The following DLG2 variants were observed in gnomAD, a reference collection of about 807,000 sequenced individuals.
The protein encoded by DLG2 is discs large MAGUK scaffold protein 2.
DLG2 carries 45 observed loss-of-function variants against 132.5 expected under a neutral mutation model. The observed-to-expected ratio is 0.34, with a 90% confidence interval of 0.27 to 0.44. The LOEUF is 0.44. Ranked by LOEUF, DLG2 falls within the 20% of genes least tolerant of loss-of-function variation. The probability of loss-of-function intolerance (pLI) is 1.00; values close to 1 mark genes in which losing one functional copy is unlikely to be tolerated. For missense variants in DLG2, 1,045 were observed against 1,196.9 expected, an observed-to-expected ratio of 0.87 and a Z score of 1.87; for synonymous variants, 424 against 419.6, an observed-to-expected ratio of 1.01 and a Z score of -0.13.
chr11:85,157,996 G>A (rs377363677), intron 4 of DLG2, among the ~76,000 whole-genome samples: 56 of 152,156 alleles, frequency 3.7e-4, no homozygotes, highest in African/African-American at 1.3e-3. Context: ...TGAGGCAGTT[G>A]CCAGGCAAGA....
At chr11:84,608,426 GCTGA>G (rs2099589596) in intron 6 of DLG2, among the ~76,000 whole-genome samples, 1 of 152,250 alleles carries the variant, frequency 6.6e-6, no homozygotes, top group East Asian at 1.9e-4. Context: ...ACACTTATCT[GCTGA>G]AGCAGTGACT....
chr11:84,174,031 T>TTTTTTTTTTC, intron 8 of DLG2, among the ~76,000 whole-genome samples: 1 of 144,786 alleles, frequency 6.9e-6, no homozygotes, highest in Admixed American at 7.0e-5. Flanking sequence ...TTTTTTTTTT[T>TTTTTTTTTTC]TTTTTCTGAG....
At chr11:85,420,141 T>C (rs2090177116) in intron 3 of DLG2, among the ~76,000 whole-genome samples, 1 of 152,220 alleles carries the variant, frequency 6.6e-6, no homozygotes, top group South Asian at 2.1e-4. Context: ...TTGTGGATGT[T>C]GATGCTATTC....
intron 6 of DLG2, among the ~76,000 whole-genome samples, chr11:84,575,148 C>T (rs1425938839): frequency 6.6e-6 from 1 of 152,150 alleles, no homozygotes; most frequent in Non-Finnish European, 1.5e-5. Flanking sequence ...GATCTTATCA[C>T]CGGCTTTGTA....
intron 11 of DLG2, among the ~76,000 whole-genome samples, chr11:84,011,098 G>A (rs1246044782): frequency 6.6e-6 from 1 of 151,984 alleles, no homozygotes; most frequent in African/African-American, 2.4e-5. Context: ...AAATAAAACA[G>A]GTTGAGTGAA....
chr11:85,504,725 G>A (rs954358342), intron 3 of DLG2, among the ~76,000 whole-genome samples: 1 of 152,018 alleles, frequency 6.6e-6, no homozygotes, highest in South Asian at 2.1e-4. Context: ...TGAACTTTAA[G>A]GTAGTTTTTT....
intron 9 of DLG2, among the ~76,000 whole-genome samples, chr11:84,109,742 T>G (rs1438280625): frequency 6.6e-6 from 1 of 152,198 alleles, no homozygotes; most frequent in Non-Finnish European, 1.5e-5. Flanking sequence ...TCAAATCTTC[T>G]ACTCCTAATG....
chr11:84,194,465 T>G (rs1023156458), intron 8 of DLG2, among the ~76,000 whole-genome samples: 12 of 152,188 alleles, frequency 7.9e-5, no homozygotes, highest in African/African-American at 2.7e-4. Flanking sequence ...GCAGGAAGAC[T>G]TATTGCAAAC....
At chr11:84,296,962 G>T (rs1213343461) in intron 7 of DLG2, among the ~76,000 whole-genome samples, 1 of 151,970 alleles carries the variant, frequency 6.6e-6, no homozygotes, top group Non-Finnish European at 1.5e-5. Flanking sequence ...ACCTAAAGAG[G>T]GGGGAAAGGG....
chr11:84,491,205 A>T (rs1432514006), intron 7 of DLG2, among the ~76,000 whole-genome samples: 1 of 152,074 alleles, frequency 6.6e-6, no homozygotes, highest in African/African-American at 2.4e-5. Context: ...TTGAATTCCC[A>T]CGTATTGTGG....
intron 6 of DLG2, among the ~76,000 whole-genome samples, chr11:84,790,983 G>A (rs1461160455): frequency 7.2e-5 from 11 of 152,148 alleles, no homozygotes; most frequent in Admixed American, 7.2e-4. Context: ...AGAACTGCCT[G>A]AGACTGGGTA....
Position 83,644,004 on chromosome 11 carries a change from A to G in DLG2, c.1826-10679T>C, listed in dbSNP as rs539743167. Reference sequence around the variant, plus strand: ...CTGATATGACTATAGATACATCTCTATAAGTGAATTCTATAGGTGATTTGG... The same window carrying G: ...CTGATATGACTATAGATACATCTCTGTAAGTGAATTCTATAGGTGATTTGG... On this transcript the variant is annotated intron_variant, in intron 18 of 27. Transcript: ENST00000376104. 7.9e-5 allele frequency among the ~76,000 whole-genome samples: 12 copies of G among 152,266 alleles called. No individual in the cohort carries two copies. The South Asian group carries it at 1.2e-3, about 16-fold the overall frequency.
chr11:84,778,148 A>G (rs2071037142), intron 6 of DLG2, among the ~76,000 whole-genome samples: 1 of 152,076 alleles, frequency 6.6e-6, no homozygotes, highest in Non-Finnish European at 1.5e-5. Context: ...AGAGATATGG[A>G]TCCAATTTCA....
At chr11:83,742,939 A>G (rs1366061796) in intron 18 of DLG2, among the ~76,000 whole-genome samples, 1 of 152,192 alleles carries the variant, frequency 6.6e-6, no homozygotes, top group African/African-American at 2.4e-5. Context: ...TTAAAGTACC[A>G]TATAGCCTAG....
intron 16 of DLG2, among the ~76,000 whole-genome samples, chr11:83,870,935 T>A (rs752957563): frequency 1.1e-4 from 17 of 152,168 alleles, no homozygotes; most frequent in Non-Finnish European, 2.1e-4. Context: ...TCTAATAGAA[T>A]GCAATGTAAA....
intron 11 of DLG2, among the ~76,000 whole-genome samples, chr11:84,050,466 G>GT (rs765625118): frequency 9.9e-5 from 15 of 151,858 alleles, no homozygotes; most frequent in Non-Finnish European, 2.2e-4. Context: ...CATTCTGTAG[G>GT]TTGCCTGTTC....
intron 3 of DLG2, among the ~76,000 whole-genome samples, chr11:85,455,409 C>T (rs1219680948): frequency 6.6e-6 from 1 of 152,130 alleles, no homozygotes; most frequent in Non-Finnish European, 1.5e-5. Context: ...TTTATCAGAT[C>T]AAGAAGCTTT....
intron 6 of DLG2, among the ~76,000 whole-genome samples, chr11:84,794,768 A>G (rs1047941330): frequency 1.3e-5 from 2 of 152,216 alleles, no homozygotes; most frequent in African/African-American, 2.4e-5. Flanking sequence ...GGGTGTGCAC[A>G]TGCTCAGGGC....
intron 6 of DLG2, among the ~76,000 whole-genome samples, chr11:84,754,727 G>T (rs1008426851): frequency 2.6e-5 from 4 of 152,124 alleles, no homozygotes; most frequent in Non-Finnish European, 5.9e-5. Flanking sequence ...GTCATTACAC[G>T]TTTGTTGAAA....
Sources: allele counts gnomAD v4.1 joint callset (sites outside exome capture counted in the v4.1 genomes callset), GRCh38; gene constraint gnomAD v4.1.1; transcripts MANE v1.5; gene names NCBI Gene and HGNC (gene_info 2026-07-23, HGNC 2026-07-21).